Variants in FANCD2OS observed in about 807,000 individuals in gnomAD.
FANCD2OS encodes FANCD2 opposite strand protein.
In FANCD2OS, 11 loss-of-function variants were observed where a neutral mutation model predicts 13.2. The ratio of observed to expected loss-of-function variants is 0.83; its 90% CI spans 0.52 to 1.38. The LOEUF is 1.38. FANCD2OS is among the 40% of genes most tolerant of loss of function. The pLI is 0.00. For synonymous variants in FANCD2OS, 69 were observed against 84.5 expected, an observed-to-expected ratio of 0.82 and a Z score of 1.01; for missense variants, 217 against 213.9, an observed-to-expected ratio of 1.01 and a Z score of -0.09.
At chr3:10,105,771 ATTATAT>A (rs1433646194) in intron 1 of FANCD2OS, among the ~76,000 whole-genome samples, 2 of 14,060 alleles carry the variant, frequency 1.4e-4, no homozygotes, top group African/African-American at 1.3e-3. Flanking sequence ...AAAAAAAAAA[ATTATAT>A]ATATATATAT....
chr3:10,088,668 G>C (rs1306609174), intron 2 of FANCD2OS: 3 of 1,090,142 alleles, frequency 2.8e-6, no homozygotes, highest in Non-Finnish European at 4.2e-6. Flanking sequence ...GGTTAAAAAT[G>C]AACACAATTT....
At chr3:10,090,684 T>G (rs1187014790) in intron 2 of FANCD2OS, among the ~76,000 whole-genome samples, 1 of 152,152 alleles carries the variant, frequency 6.6e-6, no homozygotes, top group Non-Finnish European at 1.5e-5. Context: ...AGTCTCGAAC[T>G]CCTGACTTCA....
intron 2 of FANCD2OS, chr3:10,094,483 C>A: frequency 1.2e-6 from 1 of 859,084 alleles, no homozygotes; most frequent in Non-Finnish European, 2.0e-6. Flanking sequence ...TCCACTTCAG[C>A]TGTAGCCAGA....
chr3:10,088,670 A>G, intron 2 of FANCD2OS: 1 of 1,092,612 alleles, frequency 9.2e-7, no homozygotes, highest in Non-Finnish European at 1.4e-6. Context: ...TTAAAAATGA[A>G]CACAATTTGG....
chr3:10,098,836 AGAGTCTGG>A (rs878855172), downstream of FANCD2OS: 5 of 1,614,104 alleles, frequency 3.1e-6, no homozygotes, highest in African/African-American at 2.7e-5. Flanking sequence ...AAAACCCACC[AGAGTCTGG>A]CACTGATGGT....
downstream of FANCD2OS, chr3:10,101,377 C>CTT (rs950337384): frequency 4.4e-3 from 1,706 of 384,952 alleles, 1 homozygote; most frequent in Non-Finnish European, 5.0e-3. Context: ...TTTTGTTCCT[C>CTT]TTTTTTTTTT....
At chr3:10,100,207 G>A, downstream of FANCD2OS, among the ~76,000 whole-genome samples, 1 of 152,118 alleles carries the variant, frequency 6.6e-6, no homozygotes, top group East Asian at 1.9e-4. Flanking sequence ...TTATTTACAT[G>A]GTCCCCAGTT....
chr3:10,106,635 C>T (rs1043522750), intron 1 of FANCD2OS, among the ~76,000 whole-genome samples: 8 of 152,120 alleles, frequency 5.3e-5, no homozygotes, highest in East Asian at 1.9e-4. Context: ...AACTGTTGGC[C>T]GGGCACAGTG....
chr3:10,106,975 A>G (rs926707206), intron 1 of FANCD2OS, among the ~76,000 whole-genome samples: 5 of 152,100 alleles, frequency 3.3e-5, no homozygotes, highest in Admixed American at 3.3e-4. Flanking sequence ...GTATAGGGGG[A>G]TTTGTTGATT....
intron 2 of FANCD2OS, among the ~76,000 whole-genome samples, chr3:10,089,883 G>A (rs756935992): frequency 1.3e-5 from 2 of 152,156 alleles, no homozygotes; most frequent in Non-Finnish European, 2.9e-5. Flanking sequence ...AGTTTATAAA[G>A]CACTTTCACT....
At chr3:10,105,772 T>TATATATATA (rs869146028) in intron 1 of FANCD2OS, among the ~76,000 whole-genome samples, 5 of 22,640 alleles carry the variant, frequency 2.2e-4, no homozygotes, top group Admixed American at 6.5e-4. Flanking sequence ...AAAAAAAAAA[T>TATATATATA]TATATATATA....
rs1695406955 is a variant in FANCD2OS at position 10,104,328 on chromosome 3, G to A, written c.447C>T (p.Val149=). The A allele has an allele frequency of 6.2e-7, 1 of 1,614,042 alleles. No homozygotes were observed. The highest frequency in any genetic ancestry group is 8.5e-7 in the Non-Finnish European group (1 of 1,180,042). ...AGCGCAGCATCTGTTTGCACATAGT[G>A]ACTGTCATCTGAATCTGAGGCTCCT... is the stretch of plus-strand genomic sequence containing the variant. ...GLKEPQIQMT[V]TMCKQMLRSI... Residue 149 remains valine (V), a synonymous_variant, in exon 2 of 2, where the codon GTC becomes GTT. Coordinates refer to ENST00000450660, the MANE Select transcript of FANCD2OS (RefSeq NM_001164839.2).
rs1424887644 is a variant in FANCD2OS, at chr3:10,104,193, C to T, written c.*48G>A. The T allele has an allele frequency of 1.3e-6, 2 of 1,494,118 alleles. No homozygotes were observed. The highest frequency in any genetic ancestry group is 1.4e-5 in the African/African-American group (1 of 71,432). The allele number at this position is 1,494,118 out of a possible 1,614,324, so 92.6% of individuals were successfully genotyped here. A position where few individuals can be genotyped will look rare whatever the true frequency, so the allele number is the denominator to read the frequency against. On this transcript the variant is annotated 3_prime_UTR_variant, in exon 2 of 2. Transcript: ENST00000450660. Reference sequence around the variant, plus strand: ...GACAGGTTTCTGTAAGCTTTAGGTACATACCAAAGGGCATGGTGTGAGTAA... The same window carrying T: ...GACAGGTTTCTGTAAGCTTTAGGTATATACCAAAGGGCATGGTGTGAGTAA...
At chr3:10,092,137 A>G in intron 2 of FANCD2OS, 1 of 1,275,260 alleles carries the variant, frequency 7.8e-7, no homozygotes, top group Non-Finnish European at 1.1e-6. Flanking sequence ...TAAGGGAAGT[A>G]TTTGGCTGTG....
intron 2 of FANCD2OS, chr3:10,092,147 G>C (rs1694651650): frequency 6.9e-7 from 1 of 1,440,896 alleles, no homozygotes; most frequent in South Asian, 1.1e-5. Context: ...ATTTGGCTGT[G>C]ACTCAGAGGT....
rs745627707 is a variant in FANCD2OS at position 10,104,783 on chromosome 3, C to G, written c.-8-1G>C. 1 of 1,546,770 alleles carries G rather than the reference C, an allele frequency of 6.5e-7. No homozygotes were observed. The highest frequency in any genetic ancestry group is 8.7e-7 in the Non-Finnish European group (1 of 1,146,254). On this transcript the variant is annotated splice_acceptor_variant, in intron 1 of 1. Transcript: ENST00000450660. LOFTEE classifies it low-confidence loss of function (5UTR_SPLICE). ...AGCTGGTATCCTGCCATTGACAGTC[C>G]TAAAGGAGGGAAATCAGAGCATGGA... is the stretch of plus-strand genomic sequence containing the variant.
chr3:10,095,461 C>T (rs538385714), intron 2 of FANCD2OS: 75 of 610,926 alleles, frequency 1.2e-4, no homozygotes, highest in African/African-American at 4.1e-4. Context: ...GGGGAATCTC[C>T]GCATCTGAAA....
downstream of FANCD2OS, chr3:10,101,062 C>T (rs544811421): frequency 1.3e-5 from 9 of 691,162 alleles, no homozygotes; most frequent in South Asian, 1.4e-4. Flanking sequence ...AGCAAGACTC[C>T]TTTAAAAAAA....
At chr3:10,087,048 G>A (rs2125072098) in intron 2 of FANCD2OS, 1 of 1,451,596 alleles carries the variant, frequency 6.9e-7, no homozygotes, top group Non-Finnish European at 9.7e-7. Context: ...ACACTGAAAG[G>A]GACTTGGGCA....
Sources: allele counts gnomAD v4.1 joint callset (sites outside exome capture counted in the v4.1 genomes callset), GRCh38; gene constraint gnomAD v4.1.1; transcripts MANE v1.5; gene names NCBI Gene and HGNC (gene_info 2026-07-23, HGNC 2026-07-21).